The following CAST variants were observed in gnomAD, a reference collection of about 807,000 sequenced individuals.
CAST encodes MIR583 host.
In CAST, 76 loss-of-function variants were observed where a neutral mutation model predicts 119.6. That is an observed-to-expected ratio of 0.64 (90% CI 0.53 to 0.77). CAST has a LOEUF of 0.77. Among genes scored for constraint, CAST ranks in the 30% least tolerant of loss-of-function variants. The pLI, the probability that CAST is intolerant of heterozygous loss-of-function variation, is 0.00. For missense variants in CAST, 953 were observed against 946.5 expected (o/e 1.01, Z -0.09); for synonymous variants, 319 against 331.6 (o/e 0.96, Z 0.41).
the CAST span, among the ~76,000 whole-genome samples, chr5:96,065,107 T>C: frequency 1.3e-5 from 2 of 152,070 alleles, no homozygotes; most frequent in African/African-American, 4.8e-5. Context: ...CCCTGATGAG[T>C]CAGTTCAAAA....
At chr5:96,457,419 A>G in the CAST span, among the ~76,000 whole-genome samples, 1 of 152,122 alleles carries the variant, frequency 6.6e-6, no homozygotes, top group South Asian at 2.1e-4. Flanking sequence ...TTCTATTCAA[A>G]ACTCTCCAAT....
intron 1 of CAST, among the ~76,000 whole-genome samples, chr5:96,567,864 A>G (rs1230974229): frequency 6.6e-6 from 1 of 152,210 alleles, no homozygotes; most frequent in Non-Finnish European, 1.5e-5. Flanking sequence ...GTTCAGAACC[A>G]GACAATGTTC....
chr5:96,568,146 G>C (rs1746506352), intron 1 of CAST, among the ~76,000 whole-genome samples: 2 of 152,178 alleles, frequency 1.3e-5, no homozygotes, highest in Non-Finnish European at 2.9e-5. Context: ...TTAAGAGCAA[G>C]CGTGTATCTG....
chr5:96,736,500 C>T (rs1761676387), intron 10 of CAST, among the ~76,000 whole-genome samples: 1 of 151,856 alleles, frequency 6.6e-6, no homozygotes, highest in Non-Finnish European at 1.5e-5. Context: ...GTTTACATTC[C>T]AGTTTCTCTC....
the CAST span, among the ~76,000 whole-genome samples, chr5:96,192,677 A>G: frequency 6.6e-6 from 1 of 152,190 alleles, no homozygotes; most frequent in African/African-American, 2.4e-5. Flanking sequence ...TTCCTACCCC[A>G]TCAACGTCAG....
At chr5:96,692,559 A>G (rs1752847707) in intron 2 of CAST, among the ~76,000 whole-genome samples, 1 of 152,202 alleles carries the variant, frequency 6.6e-6, no homozygotes, top group African/African-American at 2.4e-5. Flanking sequence ...CTGCTTACCA[A>G]GCCCATTCTT....
chr5:95,974,772 CA>C, the CAST span, among the ~76,000 whole-genome samples: 2 of 152,066 alleles, frequency 1.3e-5, no homozygotes, highest in South Asian at 4.1e-4. Flanking sequence ...TGTTAAGGGT[CA>C]ATCCCTTATG....
At chr5:96,089,867 T>G in the CAST span, among the ~76,000 whole-genome samples, 1 of 152,244 alleles carries the variant, frequency 6.6e-6, no homozygotes, top group East Asian at 1.9e-4. Flanking sequence ...TAGAAGATGT[T>G]GATTTTTTAT....
chr5:96,511,560 C>T, the CAST span, among the ~76,000 whole-genome samples: 1 of 152,318 alleles, frequency 6.6e-6, no homozygotes, highest in African/African-American at 2.4e-5. Flanking sequence ...CTCTCCTAAC[C>T]CCTCCTCTCC....
the CAST span, among the ~76,000 whole-genome samples, chr5:95,974,669 T>A: frequency 4.0e-3 from 606 of 152,338 alleles, 3 homozygotes; most frequent in South Asian, 0.02. Context: ...GGGGATGGCC[T>A]TTCTCTTGTG....
intron 1 of CAST, among the ~76,000 whole-genome samples, chr5:96,622,653 G>A (rs958528319): frequency 6.6e-6 from 1 of 152,130 alleles, no homozygotes; most frequent in African/African-American, 2.4e-5. Context: ...TAGTATTGGA[G>A]AAGTTTGGGT....
At chr5:96,022,139 C>T in the CAST span, among the ~76,000 whole-genome samples, 7 of 152,248 alleles carry the variant, frequency 4.6e-5, no homozygotes, top group South Asian at 1.5e-3. Flanking sequence ...AAATACTGTG[C>T]CATTTTATAT....
chr5:96,128,477 T>A, the CAST span, among the ~76,000 whole-genome samples: 1 of 152,092 alleles, frequency 6.6e-6, no homozygotes, highest in Admixed American at 6.6e-5. Flanking sequence ...CCTGGTTTAT[T>A]TTTTATTGTT....
chr5:96,105,321 A>G, the CAST span, among the ~76,000 whole-genome samples: 4 of 152,210 alleles, frequency 2.6e-5, no homozygotes, highest in African/African-American at 9.6e-5. Flanking sequence ...GCCAGTTTTC[A>G]AAGGGAATGC....
the CAST span, among the ~76,000 whole-genome samples, chr5:96,021,660 A>T: frequency 4.0e-3 from 610 of 152,108 alleles, 6 homozygotes; most frequent in African/African-American, 0.014. Context: ...GTTAGCCAGG[A>T]TGGTCTTTAT....
chr5:96,724,108 T>C lies in CAST; in HGVS notation c.270+1410T>C, dbSNP rs1438927871. Among the ~76,000 whole-genome samples the C allele has an allele frequency of 3.9e-5, 6 of 152,272 alleles. No individual in the cohort carries two copies. In the East Asian group the frequency reaches 9.6e-4, roughly 24 times the overall value. ...ATTGATTTCTAAATTGCTTTCAAAA[T>C]ATACATTATATAATCTATAATTAAT... On this transcript the variant is annotated intron_variant, in intron 4 of 31. Transcript: ENST00000675179.
At chr5:96,146,742 A>G in the CAST span, among the ~76,000 whole-genome samples, 1 of 152,094 alleles carries the variant, frequency 6.6e-6, no homozygotes, top group Non-Finnish European at 1.5e-5. Context: ...ATGACATCTC[A>G]TTAGCTTAAC....
intron 3 of CAST, among the ~76,000 whole-genome samples, chr5:96,699,900 G>A (rs1359925308): frequency 6.6e-6 from 1 of 152,178 alleles, no homozygotes; most frequent in East Asian, 1.9e-4. Flanking sequence ...GCAACATTAG[G>A]CCTTTCAAAC....
At chr5:96,166,736 A>G in the CAST span, among the ~76,000 whole-genome samples, 6 of 152,240 alleles carry the variant, frequency 3.9e-5, no homozygotes, top group Admixed American at 3.3e-4. Context: ...AAGAAGCTGG[A>G]TCATACAGGA....
Sources: allele counts gnomAD v4.1 joint callset (sites outside exome capture counted in the v4.1 genomes callset), GRCh38; gene constraint gnomAD v4.1.1; transcripts MANE v1.5; gene names NCBI Gene and HGNC (gene_info 2026-07-23, HGNC 2026-07-21).